Variants in MARK1 observed in about 807,000 individuals in gnomAD.
MARK1 encodes serine/threonine-protein kinase MARK1.
In MARK1, 40 loss-of-function variants were observed where a neutral mutation model predicts 96.3. The observed-to-expected ratio is 0.42, with a 90% CI of 0.32 to 0.54. MARK1 has a LOEUF of 0.54. Ranked by LOEUF, MARK1 falls within the 20% of genes least tolerant of loss-of-function variation. MARK1 has a pLI of 0.16. For missense variants in MARK1, 719 were observed against 984.6 expected, an observed-to-expected ratio of 0.73 and a Z score of 3.61; for synonymous variants, 317 against 341.2, an observed-to-expected ratio of 0.93 and a Z score of 0.78.
At chr1:220,591,387 A>T (rs1664971330) in intron 3 of MARK1, among the ~76,000 whole-genome samples, 1 of 152,234 alleles carries the variant, frequency 6.6e-6, no homozygotes, top group South Asian at 2.1e-4. Flanking sequence ...GTAATTTCAT[A>T]AAAAGTAACT....
chr1:220,660,130 A>C (rs370272631), intron 17 of MARK1, among the ~76,000 whole-genome samples: 2 of 152,188 alleles, frequency 1.3e-5, no homozygotes, highest in East Asian at 3.9e-4. Flanking sequence ...ATGAGTGCTC[A>C]GTCAACTGAT....
chr1:220,572,650 C>T (rs768278587), intron 1 of MARK1, among the ~76,000 whole-genome samples: 1 of 152,150 alleles, frequency 6.6e-6, no homozygotes, highest in African/African-American at 2.4e-5. Context: ...ATAAGTTCCA[C>T]GTACAGTATT....
chr1:220,532,588 T>C (rs1660389473), intron 1 of MARK1, among the ~76,000 whole-genome samples: 1 of 152,202 alleles, frequency 6.6e-6, no homozygotes, highest in South Asian at 2.1e-4. Flanking sequence ...GAAAATTTAG[T>C]GACCTACCCA....
intron 1 of MARK1, among the ~76,000 whole-genome samples, chr1:220,568,602 G>C (rs1312321225): frequency 6.6e-6 from 1 of 152,094 alleles, no homozygotes; most frequent in African/African-American, 2.4e-5. Context: ...AGAGTGTGAT[G>C]ATATGATATG....
chr1:220,657,598 C>A (rs894313129), intron 16 of MARK1, among the ~76,000 whole-genome samples, 192 bp from the exon 17 acceptor site: 1 of 152,014 alleles, frequency 6.6e-6, no homozygotes, highest in African/African-American at 2.4e-5. Flanking sequence ...AATGAGTAGA[C>A]GCTCAATAAA....
intron 1 of MARK1, among the ~76,000 whole-genome samples, chr1:220,559,970 G>A (rs1377993538): frequency 6.6e-6 from 1 of 152,106 alleles, no homozygotes; most frequent in African/African-American, 2.4e-5. Flanking sequence ...CCCAAGATTG[G>A]GTGATTTATA....
At chr1:220,570,409 T>TA (rs1337031865) in intron 1 of MARK1, among the ~76,000 whole-genome samples, 2 of 152,172 alleles carry the variant, frequency 1.3e-5, no homozygotes, top group Non-Finnish European at 2.9e-5. Flanking sequence ...AGAAAGAGAA[T>TA]ACAAATAAAT....
chr1:220,564,379 A>G (rs1381475936), intron 1 of MARK1, among the ~76,000 whole-genome samples: 1 of 152,202 alleles, frequency 6.6e-6, no homozygotes, highest in African/African-American at 2.4e-5. Context: ...TGAGCTGAGT[A>G]TCTGGTACAA....
intron 9 of MARK1, chr1:220,627,842 C>G (rs1197308454): frequency 6.5e-6 from 1 of 153,362 alleles, no homozygotes; most frequent in Non-Finnish European, 1.4e-5. Flanking sequence ...CCGTTCTTTT[C>G]AGGCTGCTAA....
At chr1:220,555,197 TG>T (rs1662161892) in intron 1 of MARK1, among the ~76,000 whole-genome samples, 1 of 152,174 alleles carries the variant, frequency 6.6e-6, no homozygotes, top group South Asian at 2.1e-4. Flanking sequence ...CAGTGGAATT[TG>T]GGGTCTCTAG....
At chr1:220,634,051 T>A (rs972740019) in intron 11 of MARK1, among the ~76,000 whole-genome samples, 35 of 152,334 alleles carry the variant, frequency 2.3e-4, no homozygotes, top group African/African-American at 7.2e-4. Context: ...AGGTAGGTAC[T>A]ATTATAATGG....
rs989873259 is a variant in MARK1 at position 220,618,587 on chromosome 1, T to C, written c.789+41T>C. 5 of 1,612,922 alleles carry C rather than the reference T, an allele frequency of 3.1e-6. No homozygotes were observed. The Admixed American group carries it at 5.0e-5, about 16-fold the overall frequency. On this transcript the variant is annotated intron_variant, in intron 8 of 17. Transcript: ENST00000366917. This position sits in a 1 kb window ranked among gnomAD's most constrained non-coding sequence, Gnocchi z 4.6. ...TTTATTAATGTTTTATCCCCAAGTA[T>C]GATTATGTCAAAAACCAGTTATAAG...
intron 1 of MARK1, among the ~76,000 whole-genome samples, chr1:220,530,416 A>T (rs1660239103): frequency 6.6e-6 from 1 of 152,174 alleles, no homozygotes; most frequent in Non-Finnish European, 1.5e-5. Flanking sequence ...TCTAACAGGA[A>T]CATTAAAAAA....
At chr1:220,572,200 A>T (rs1663516464) in intron 1 of MARK1, among the ~76,000 whole-genome samples, 1 of 152,102 alleles carries the variant, frequency 6.6e-6, no homozygotes, top group Non-Finnish European at 1.5e-5. Context: ...ATAACTTGAT[A>T]GTGTTGTTCA....
intron 1 of MARK1, among the ~76,000 whole-genome samples, chr1:220,533,697 C>T (rs1660482741): frequency 6.6e-6 from 1 of 152,106 alleles, no homozygotes; most frequent in African/African-American, 2.4e-5. Context: ...GAGTCATCTG[C>T]TATTTGGTGT....
intron 9 of MARK1, among the ~76,000 whole-genome samples, chr1:220,622,509 G>C (rs1466016717): frequency 6.6e-6 from 1 of 152,232 alleles, no homozygotes; most frequent in South Asian, 2.1e-4. Context: ...AGATTTCTGT[G>C]TACAAATTCA....
At chr1:220,610,629 G>A (rs865969569) in intron 6 of MARK1, among the ~76,000 whole-genome samples, 8 of 152,158 alleles carry the variant, frequency 5.3e-5, no homozygotes, top group African/African-American at 1.9e-4. Context: ...AGGAGAAGAG[G>A]TGTTCTGATT....
At chr1:220,606,475 G>A (rs1666088448) in intron 6 of MARK1, among the ~76,000 whole-genome samples, 1 of 152,142 alleles carries the variant, frequency 6.6e-6, no homozygotes, top group Admixed American at 6.5e-5. Flanking sequence ...TCTGTAGGTT[G>A]CCTGTTCACT....
At chr1:220,649,854 A>G (rs1002483568) in intron 13 of MARK1, among the ~76,000 whole-genome samples, 4 of 152,228 alleles carry the variant, frequency 2.6e-5, no homozygotes, top group Non-Finnish European at 5.9e-5. Context: ...TAAACAGAAG[A>G]GTATTATATC....
Sources: allele counts gnomAD v4.1 joint callset (sites outside exome capture counted in the v4.1 genomes callset), GRCh38; gene constraint gnomAD v4.1.1; non-coding constraint Gnocchi (gnomAD v3.1); transcripts MANE v1.5; gene names NCBI Gene and HGNC (gene_info 2026-07-23, HGNC 2026-07-21).